MLLT3: variants seen among roughly 807,000 people sequenced by gnomAD.
The protein encoded by MLLT3 is MLLT3 super elongation complex subunit.
In MLLT3, 4 loss-of-function variants were observed where a neutral mutation model predicts 53.2. The observed-to-expected ratio is 0.08, with a 90% CI of 0.04 to 0.17. The LOEUF is 0.17. Ranked by LOEUF, MLLT3 falls within the 10% of genes least tolerant of loss-of-function variation. MLLT3 has a pLI of 1.00. For synonymous variants in MLLT3, 283 were observed against 230.6 expected (o/e 1.23, Z -2.06); for missense variants, 569 against 684.0 (o/e 0.83, Z 1.87).
chr9:20,459,735 C>G (rs1824062748), intron 2 of MLLT3, among the ~76,000 whole-genome samples: 1 of 151,964 alleles, frequency 6.6e-6, no homozygotes, highest in African/African-American at 2.4e-5. Context: ...TTTTCCCCAC[C>G]CTTTAAAGGA....
At chr9:20,360,201 A>G (rs1821279066) in intron 8 of MLLT3, among the ~76,000 whole-genome samples, 1 of 152,222 alleles carries the variant, frequency 6.6e-6, no homozygotes. Context: ...CACCTATAAT[A>G]ATAAACTACC....
intron 4 of MLLT3, among the ~76,000 whole-genome samples, chr9:20,423,699 A>G (rs1047767635): frequency 6.6e-6 from 1 of 151,850 alleles, no homozygotes; most frequent in African/African-American, 2.4e-5. Context: ...CTGTAGTCCC[A>G]GCTACTCAGG....
intron 2 of MLLT3, among the ~76,000 whole-genome samples, chr9:20,498,871 G>GCATA (rs1227975706): frequency 6.6e-6 from 1 of 152,156 alleles, no homozygotes; most frequent in African/African-American, 2.4e-5. Flanking sequence ...AAGCACTAAA[G>GCATA]CATACTGCCT....
intron 8 of MLLT3, among the ~76,000 whole-genome samples, chr9:20,357,023 G>A (rs1298168062): frequency 3.3e-5 from 5 of 152,134 alleles, no homozygotes; most frequent in Admixed American, 3.3e-4. Flanking sequence ...GCTGAGCCCT[G>A]CTGAAGACAA....
At chr9:20,449,754 C>G (rs116642587) in intron 3 of MLLT3, among the ~76,000 whole-genome samples, 1,628 of 152,306 alleles carry the variant, frequency 0.011, 38 homozygotes, top group African/African-American at 0.038. Flanking sequence ...TACAATCTGA[C>G]ATGAAATCTA....
chr9:20,536,410 G>A (rs1208291363), intron 2 of MLLT3, among the ~76,000 whole-genome samples: 1 of 152,030 alleles, frequency 6.6e-6, no homozygotes, highest in Non-Finnish European at 1.5e-5. Flanking sequence ...AGATTTTGAT[G>A]GGTATCATTT....
chr9:20,379,373 C>G (rs1010503367), intron 5 of MLLT3, among the ~76,000 whole-genome samples: 1 of 152,012 alleles, frequency 6.6e-6, no homozygotes, highest in Admixed American at 6.6e-5. Flanking sequence ...CTAAAGAACA[C>G]AGAATTTAGA....
chr9:20,443,248 A>G (rs879441986), intron 4 of MLLT3, among the ~76,000 whole-genome samples: 3 of 152,166 alleles, frequency 2.0e-5, no homozygotes, highest in Non-Finnish European at 4.4e-5. Flanking sequence ...CCAAAAAAAG[A>G]AAAAAGAAAC....
At chr9:20,468,480 T>A (rs1227639596) in intron 2 of MLLT3, among the ~76,000 whole-genome samples, 1 of 151,948 alleles carries the variant, frequency 6.6e-6, no homozygotes, top group East Asian at 1.9e-4. Flanking sequence ...GCACATATTG[T>A]GAAAAAGCTT....
intron 4 of MLLT3, among the ~76,000 whole-genome samples, chr9:20,422,741 T>C (rs987312412): frequency 2.0e-5 from 3 of 152,098 alleles, no homozygotes; most frequent in African/African-American, 7.2e-5. Context: ...AGTAGTGACA[T>C]CTGGGAAACA....
At chr9:20,515,860 A>C (rs1056605926) in intron 2 of MLLT3, among the ~76,000 whole-genome samples, 20 of 152,264 alleles carry the variant, frequency 1.3e-4, no homozygotes, top group African/African-American at 3.6e-4. Flanking sequence ...AGACCGCCTG[A>C]TGTAAGACTC....
intron 10 of MLLT3, among the ~76,000 whole-genome samples, chr9:20,350,594 C>CACAAAAA (rs1820996514): frequency 8.1e-6 from 1 of 124,028 alleles, no homozygotes; most frequent in Non-Finnish European, 1.5e-5. Context: ...GACTCCGTCT[C>CACAAAAA]AAAAAAAGAA....
At chr9:20,497,735 G>A (rs1276227197) in intron 2 of MLLT3, among the ~76,000 whole-genome samples, 1 of 151,830 alleles carries the variant, frequency 6.6e-6, no homozygotes, top group Non-Finnish European at 1.5e-5. Context: ...TTCAGTTTGG[G>A]CCAATTACAA....
chr9:20,466,789 A>G (rs1182273177), intron 2 of MLLT3, among the ~76,000 whole-genome samples: 1 of 152,230 alleles, frequency 6.6e-6, no homozygotes, highest in Non-Finnish European at 1.5e-5. Flanking sequence ...CAAAACAAAC[A>G]TAAAAACTAC....
chr9:20,607,399 G>C (rs924093788), intron 2 of MLLT3, among the ~76,000 whole-genome samples: 2 of 152,004 alleles, frequency 1.3e-5, no homozygotes, highest in Admixed American at 6.6e-5. Flanking sequence ...CTGAAGAAGG[G>C]ATTCCAGGCC....
chr9:20,385,452 A>G (rs1333769755), intron 5 of MLLT3, among the ~76,000 whole-genome samples: 1 of 152,052 alleles, frequency 6.6e-6, no homozygotes, highest in Non-Finnish European at 1.5e-5. Context: ...GGTGCTTTTT[A>G]TTTTCTTCTT....
intron 5 of MLLT3, among the ~76,000 whole-genome samples, chr9:20,377,499 TAATGA>T (rs1563942765): frequency 1.3e-5 from 2 of 152,156 alleles, no homozygotes; most frequent in African/African-American, 4.8e-5. Context: ...ATAAAGGTGA[TAATGA>T]AATGAAATAA....
chr9:20,514,585 C>T (rs955769446), intron 2 of MLLT3, among the ~76,000 whole-genome samples: 33 of 151,916 alleles, frequency 2.2e-4, no homozygotes, highest in African/African-American at 7.3e-4. Flanking sequence ...CTGCCTGGCC[C>T]ATGGGACAAT....
intron 2 of MLLT3, among the ~76,000 whole-genome samples, chr9:20,524,667 T>G (rs949502807): frequency 2.0e-5 from 3 of 152,124 alleles, no homozygotes; most frequent in Non-Finnish European, 4.4e-5. Context: ...GTAGCTGTCA[T>G]GAATGACCCA....
Sources: allele counts gnomAD v4.1 joint callset (sites outside exome capture counted in the v4.1 genomes callset), GRCh38; gene constraint gnomAD v4.1.1; transcripts MANE v1.5; gene names NCBI Gene and HGNC (gene_info 2026-07-23, HGNC 2026-07-21).